GPM6A: variants seen among roughly 807,000 people sequenced by gnomAD.
GPM6A encodes the protein neuronal membrane glycoprotein M6-a.
Under a neutral mutation model 32.1 loss-of-function variants are expected in GPM6A, and 7 were observed. The ratio of observed to expected loss-of-function variants is 0.22; its 90% CI spans 0.12 to 0.41. The LOEUF (loss-of-function observed/expected upper bound fraction) is 0.41. Among genes scored for constraint, GPM6A ranks in the 10% least tolerant of loss-of-function variants. GPM6A has a pLI of 1.00. For synonymous variants in GPM6A, 130 were observed against 123.4 expected (o/e 1.05, Z -0.35); for missense variants, 235 against 347.2 (o/e 0.68, Z 2.57).
chr4:175,687,722 C>T (rs1045336959), intron 2 of GPM6A, among the ~76,000 whole-genome samples: 1 of 152,076 alleles, frequency 6.6e-6, no homozygotes, highest in South Asian at 2.1e-4. Context: ...CATAGCATTG[C>T]TAATTTTAAT....
At chr4:175,795,341 C>T (rs933913470) in intron 1 of GPM6A, among the ~76,000 whole-genome samples, 1 of 152,190 alleles carries the variant, frequency 6.6e-6, no homozygotes, top group Non-Finnish European at 1.5e-5. Context: ...TTCCGAGTAG[C>T]ATTCATGTCT....
rs544928567 is a variant in GPM6A at position 175,720,065 on chromosome 4, T to C, written c.38-18298A>G. 2.6e-4 allele frequency among the ~76,000 whole-genome samples: 40 copies of C among 152,284 alleles called. No homozygotes were observed. The South Asian group carries it at 7.2e-3, about 28-fold the overall frequency. On this transcript the variant is annotated intron_variant, in intron 1 of 6. Coordinates refer to ENST00000393658, the MANE Select transcript of GPM6A (RefSeq NM_201591.3). ...ATGCACTGTTTTTTCTTACAGCAAA[T>C]TCAGTCTTGACCAATTTATCCCATT... is the stretch of plus-strand genomic sequence containing the variant.
At chr4:175,881,962 AC>A (rs1737293430) in intron 1 of GPM6A, among the ~76,000 whole-genome samples, 1 of 152,162 alleles carries the variant, frequency 6.6e-6, no homozygotes, top group Admixed American at 6.5e-5. Context: ...CAGGTTGTGC[AC>A]ATGTACCCTA....
At chr4:175,848,524 C>T (rs1294034813) in intron 1 of GPM6A, among the ~76,000 whole-genome samples, 2 of 152,030 alleles carry the variant, frequency 1.3e-5, no homozygotes, top group East Asian at 1.9e-4. Flanking sequence ...TAATAGATGC[C>T]TTTAGTAATT....
intron 1 of GPM6A, among the ~76,000 whole-genome samples, chr4:175,961,697 T>TGA (rs1426794443): frequency 6.6e-6 from 1 of 152,120 alleles, no homozygotes; most frequent in East Asian, 1.9e-4. Flanking sequence ...TTCCAATGTG[T>TGA]GAGTGGGTGG....
chr4:175,751,037 T>C (rs963918815), intron 1 of GPM6A, among the ~76,000 whole-genome samples: 3 of 152,178 alleles, frequency 2.0e-5, no homozygotes, highest in African/African-American at 7.2e-5. Context: ...TTGTAATACA[T>C]TGCAAATGTG....
chr4:175,963,123 A>G (rs1172131334), intron 1 of GPM6A, among the ~76,000 whole-genome samples: 1 of 152,164 alleles, frequency 6.6e-6, no homozygotes, highest in Non-Finnish European at 1.5e-5. Flanking sequence ...AAAGAAATGT[A>G]AAAAGAAGAA....
intron 1 of GPM6A, among the ~76,000 whole-genome samples, chr4:175,841,255 G>A (rs564838131): frequency 1.1e-3 from 175 of 152,210 alleles, no homozygotes; most frequent in Non-Finnish European, 2.0e-3. Flanking sequence ...ACAGTAATTT[G>A]AGAGTAACAT....
chr4:175,859,591 T>G (rs1018849745), intron 1 of GPM6A, among the ~76,000 whole-genome samples: 3 of 152,172 alleles, frequency 2.0e-5, no homozygotes, highest in African/African-American at 7.2e-5. Flanking sequence ...TGAATGTCCT[T>G]CCATGCTACA....
chr4:175,938,675 T>G (rs1360512363), intron 1 of GPM6A, among the ~76,000 whole-genome samples: 1 of 151,836 alleles, frequency 6.6e-6, no homozygotes, highest in Non-Finnish European at 1.5e-5. Context: ...AGATTGTAGA[T>G]TCTGGGTATT....
chr4:175,701,560 A>G lies in GPM6A; in HGVS notation c.230+15T>C. The G allele has an allele frequency of 2.5e-6, 4 of 1,583,288 alleles. No individual in the cohort carries two copies. Among genetic ancestry groups the G allele is most frequent in the Non-Finnish European group, 2.6e-6 (3 of 1,152,394 alleles). ...ATATACATGGAAAATAACAAGAAAT[A>G]CTAGAGTGACTTACATGGTAAAAAC... On this transcript the variant is annotated intron_variant, in intron 2 of 6. Transcript: ENST00000393658.
At chr4:175,789,654 T>C (rs1235022824) in intron 1 of GPM6A, among the ~76,000 whole-genome samples, 2 of 152,210 alleles carry the variant, frequency 1.3e-5, no homozygotes, top group Non-Finnish European at 2.9e-5. Flanking sequence ...TTTGTCTTTA[T>C]GTTAACAGTT....
chr4:175,679,573 C>A (rs969273644), intron 2 of GPM6A, among the ~76,000 whole-genome samples: 1 of 152,104 alleles, frequency 6.6e-6, no homozygotes, highest in African/African-American at 2.4e-5. Flanking sequence ...TATTGCCAGA[C>A]CCAATCTTCT....
intron 1 of GPM6A, among the ~76,000 whole-genome samples, chr4:175,963,854 A>C (rs1321958288): frequency 6.6e-6 from 1 of 152,212 alleles, no homozygotes; most frequent in East Asian, 1.9e-4. Context: ...ATAAGAGATA[A>C]GAGGGAGGAA....
chr4:175,742,766 G>T (rs1168659267), intron 1 of GPM6A, among the ~76,000 whole-genome samples: 2 of 152,104 alleles, frequency 1.3e-5, no homozygotes, highest in Non-Finnish European at 2.9e-5. Context: ...GACATGAGGG[G>T]CCAAGCTTCT....
At chr4:175,887,480 T>C (rs1361913526) in intron 1 of GPM6A, among the ~76,000 whole-genome samples, 3 of 151,794 alleles carry the variant, frequency 2.0e-5, no homozygotes, top group Admixed American at 2.0e-4. Flanking sequence ...TTCAAACAAA[T>C]TCACTTATTC....
intron 1 of GPM6A, among the ~76,000 whole-genome samples, chr4:175,849,262 C>G (rs6814514): frequency 0.39 from 59,805 of 151,970 alleles, 12,314 homozygotes; most frequent in African/African-American, 0.53. Context: ...CTTTTAGTTG[C>G]ATGGGGCCTT....
rs117054642 is a variant in GPM6A, at chr4:175,648,473, C to A, written c.541+3361G>T. ...TGTAGGAGATCACAAAAACAGTAAG[C>A]AGTTTGGGAAAAAAATTGACCTTGG... On this transcript the variant is annotated intron_variant, in intron 4 of 6. Transcript: ENST00000393658. Among the ~76,000 whole-genome samples the A allele has an allele frequency of 4.3e-4, 65 of 152,278 alleles. No individual in the cohort carries two copies. In the East Asian group the frequency reaches 0.012, roughly 27 times the overall value.
intron 1 of GPM6A, among the ~76,000 whole-genome samples, chr4:175,952,851 G>T (rs1259458993): frequency 1.3e-5 from 2 of 151,938 alleles, no homozygotes; most frequent in Non-Finnish European, 1.5e-5. Context: ...TTCAAGACCA[G>T]CCTGAGCAAC....
Sources: gnomAD v4.1 joint callset for allele counts (sites outside exome capture counted in the v4.1 genomes callset) on GRCh38, gnomAD v4.1.1 for gene constraint, MANE v1.5 for transcripts, NCBI Gene and HGNC (gene_info 2026-07-23, HGNC 2026-07-21) for gene names.